Variants in PANK1 observed in about 807,000 individuals in gnomAD.
PANK1 encodes the protein pantothenic acid kinase 1.
Under a neutral mutation model 40.1 loss-of-function variants are expected in PANK1, and 18 were observed. The ratio of observed to expected loss-of-function variants is 0.45; its 90% CI spans 0.31 to 0.67. PANK1 has a LOEUF of 0.67. Ranked by LOEUF, PANK1 falls within the 30% of genes least tolerant of loss-of-function variation. The pLI is 0.06. For missense variants in PANK1, 457 were observed against 599.6 expected (o/e 0.76, Z 2.48); for synonymous variants, 242 against 237.7 (o/e 1.02, Z -0.17).
In PANK1 at chr10:89,593,272, T is replaced by C; in HGVS notation, c.1125A>G (p.Glu375=). 8.7e-6 allele frequency: 14 copies of C among 1,613,834 alleles called. No individual in the cohort carries two copies. The highest frequency in any genetic ancestry group is 1.2e-5 in the Non-Finnish European group (14 of 1,179,764). The change falls in exon 5 of 7, where the codon GAA becomes GAG. Residue 375 remains glutamate, a synonymous_variant. Transcript: ENST00000307534. ...SKEKRDSISK[E]DLARATLVTI... is the part of the protein sequence containing the mutation. ...TGACCAATGTGGCCCGGGCGAGGTC[T>C]TCCTTGCTGATGGAATCTCGCTTTT...
intron 1 of PANK1, among the ~76,000 whole-genome samples, chr10:89,624,875 A>G (rs1471354540): frequency 6.6e-6 from 1 of 152,210 alleles, no homozygotes; most frequent in Non-Finnish European, 1.5e-5. Flanking sequence ...AGTTGAATCA[A>G]AATGAATACT....
intron 1 of PANK1, among the ~76,000 whole-genome samples, chr10:89,638,312 G>T (rs1405212041): frequency 6.6e-6 from 1 of 152,244 alleles, no homozygotes; most frequent in Non-Finnish European, 1.5e-5. Context: ...CCGAGGTCAT[G>T]GCACCCTGTG....
At chr10:89,599,898 TG>T (rs1265123548) in intron 2 of PANK1, among the ~76,000 whole-genome samples, 1 of 152,118 alleles carries the variant, frequency 6.6e-6, no homozygotes, top group African/African-American at 2.4e-5. Context: ...CCTGGGTTAT[TG>T]GGGTGGGCCC....
chr10:89,644,797 T>G lies in PANK1; in HGVS notation c.95A>C (p.His32Pro), dbSNP rs766633691. ...GACTGGCGGCGGATGGAAGCCGTTG[T>G]GCAGCAGCCCGTTCACAGCGGCGGC... Reference protein sequence around the residue: ...TSAAAVNGLLHNGFHPPPVQP... With the variant: ...TSAAAVNGLLPNGFHPPPVQP... Residue 32 changes from histidine to proline, a missense_variant, in exon 1 of 7, where the codon CAC (histidine) becomes CCC (proline). By Grantham distance (77) the His-to-Pro change is moderately conservative (BLOSUM62 -2). This residue lies in a region of PANK1 where 144 missense variants were observed against 131.2 expected (regional missense o/e 1.10). Coordinates refer to ENST00000307534, the MANE Select transcript of PANK1 (RefSeq NM_148977.3). The G allele has an allele frequency of 2.1e-5, 31 of 1,477,742 alleles. 1 individual carries two copies. The South Asian group carries it at 3.1e-4, about 15-fold the overall frequency. The allele number at this position is 1,477,742 out of a possible 1,614,324, so 91.5% of individuals were successfully genotyped here.
intron 1 of PANK1, among the ~76,000 whole-genome samples, chr10:89,641,379 A>C (rs1231229101): frequency 6.6e-6 from 1 of 152,146 alleles, no homozygotes; most frequent in East Asian, 1.9e-4. Flanking sequence ...CTGGTAACAG[A>C]TTTGGGGTTT....
intron 1 of PANK1, among the ~76,000 whole-genome samples, chr10:89,639,587 G>C (rs966991920): frequency 2.6e-5 from 4 of 152,152 alleles, no homozygotes; most frequent in Non-Finnish European, 4.4e-5. Context: ...CTCACCTAAG[G>C]CTTCATTGCT....
chr10:89,643,154 T>C (rs943962951), intron 1 of PANK1, among the ~76,000 whole-genome samples: 1 of 152,244 alleles, frequency 6.6e-6, no homozygotes, highest in Non-Finnish European at 1.5e-5. Context: ...TTTCATTATA[T>C]TTTAGCTATT....
chr10:89,610,868 C>T (rs959608770), intron 2 of PANK1, among the ~76,000 whole-genome samples: 5 of 152,086 alleles, frequency 3.3e-5, no homozygotes, highest in African/African-American at 9.7e-5. Context: ...CAAGATATAT[C>T]TACATCTATT....
At chr10:89,630,053 C>T (rs183506095) in intron 1 of PANK1, among the ~76,000 whole-genome samples, 355 of 152,266 alleles carry the variant, frequency 2.3e-3, no homozygotes, top group Middle Eastern at 0.02. Context: ...ATGTAACTGA[C>T]CTAAGCCAGG....
rs924069835 is a variant in PANK1, at chr10:89,604,664, A to G, written c.646-5159T>C. On this transcript the variant is annotated intron_variant, in intron 2 of 6. Transcript: ENST00000307534. ...AGCCGAGATCGCATCACTGCACTCC[A>G]GCCTGGGCACAGACTGAAACTCCGT... Among the ~76,000 whole-genome samples the G allele has an allele frequency of 5.1e-4, 70 of 137,966 alleles. 2 individuals are homozygous for G. Among genetic ancestry groups the G allele is most frequent in the Admixed American group, 1.6e-4 (2 of 12,234 alleles). 90.5% of individuals were successfully genotyped at this position (137,966 alleles called of 152,430 possible).
chr10:89,612,004 A>G lies in PANK1; in HGVS notation c.337T>C (p.Leu113=), dbSNP rs1190385304. The change falls in exon 2 of 7, where the codon TTG becomes CTG. Residue 113 remains leucine, a synonymous_variant. Coordinates refer to ENST00000307534, the MANE Select transcript of PANK1 (RefSeq NM_148977.3). ...GMDIGGTLVK[L]VYFEPKDITA... ...ATATCCTTCGGCTCGAAATACACCA[A>G]TTTAACCAGCGTTCCACCGATGTCC... 1.9e-6 allele frequency: 3 copies of G among 1,613,868 alleles called. No individual in the cohort carries two copies. The highest frequency in any genetic ancestry group is 2.5e-6 in the Non-Finnish European group (3 of 1,180,018).
At chr10:89,589,192 GTTTA>G (rs1156473100) in intron 5 of PANK1, among the ~76,000 whole-genome samples, 1 of 152,100 alleles carries the variant, frequency 6.6e-6, no homozygotes, top group African/African-American at 2.4e-5. Flanking sequence ...CTATGGTATG[GTTTA>G]TTTGTGTAAT....
rs1162388813 is a variant in PANK1 at position 89,611,592 on chromosome 10, T to G, written c.645+104A>C. 4.7e-5 allele frequency: 37 copies of G among 792,716 alleles called. No homozygotes were observed. In the East Asian group the frequency reaches 9.0e-4, roughly 19 times the overall value. The allele number at this position is 792,716 out of a possible 1,614,324, so 49.1% of individuals were successfully genotyped here. On this transcript the variant is annotated intron_variant, in intron 2 of 6. Coordinates refer to ENST00000307534, the MANE Select transcript of PANK1 (RefSeq NM_148977.3). ...GAGGCACAGAGCGGTGACATAAGCT[T>G]GTCCAGAGTCCCAAGGCTAGTAGTA...
chr10:89,589,585 A>G (rs1416211295), intron 5 of PANK1, among the ~76,000 whole-genome samples: 4 of 152,140 alleles, frequency 2.6e-5, no homozygotes, highest in Non-Finnish European at 4.4e-5. Flanking sequence ...GGTCACTCAT[A>G]TCAAAGGCAA....
chr10:89,598,649 T>C (rs940462867), intron 3 of PANK1, among the ~76,000 whole-genome samples: 3 of 152,220 alleles, frequency 2.0e-5, no homozygotes, highest in African/African-American at 7.2e-5. Flanking sequence ...CCTTGGCTCT[T>C]ACATGGGCCT....
At chr10:89,609,164 A>G (rs1016508342) in intron 2 of PANK1, among the ~76,000 whole-genome samples, 1 of 152,230 alleles carries the variant, frequency 6.6e-6, no homozygotes, top group Admixed American at 6.5e-5. Flanking sequence ...TCCTGGGTTC[A>G]AGAGGTTCTC....
In PANK1 at chr10:89,599,221, T is replaced by C. The variant is rs774098832; in HGVS notation, c.899+31A>G. On this transcript the variant is annotated intron_variant, in intron 3 of 6. Coordinates refer to ENST00000307534, the MANE Select transcript of PANK1 (RefSeq NM_148977.3). ...TAAACTGGTCATCAAGAAAGAGGTC[T>C]GGGTTCAAGCACAAGCAGAAACATG... 8.8e-6 allele frequency: 14 copies of C among 1,595,298 alleles called. 2 individuals carry two copies. The South Asian group carries it at 1.2e-4, about 14-fold the overall frequency.
chr10:89,632,906 C>A (rs1323243258), intron 1 of PANK1, among the ~76,000 whole-genome samples: 2 of 152,202 alleles, frequency 1.3e-5, no homozygotes, highest in Non-Finnish European at 2.9e-5. Flanking sequence ...CCTCATCAAA[C>A]TTCTCATCTT....
chr10:89,589,238 C>G (rs1429145430), intron 5 of PANK1, among the ~76,000 whole-genome samples: 1 of 152,098 alleles, frequency 6.6e-6, no homozygotes, highest in African/African-American at 2.4e-5. Flanking sequence ...GTGCTGGACA[C>G]TAGAAATACA....
Sources: gnomAD v4.1 joint callset for allele counts (sites outside exome capture counted in the v4.1 genomes callset) on GRCh38, gnomAD v4.1.1 for gene constraint, gnomAD v4.1.1 regional missense constraint, MANE v1.5 for transcripts, NCBI Gene and HGNC (gene_info 2026-07-23, HGNC 2026-07-21) for gene names.